RANBP2: variants seen among roughly 807,000 people sequenced by gnomAD.
RANBP2 encodes E3 SUMO-protein ligase RanBP2.
Under a neutral mutation model 303.6 loss-of-function variants are expected in RANBP2, and 57 were observed. The observed-to-expected ratio is 0.19, with a 90% confidence interval of 0.15 to 0.23. The LOEUF (loss-of-function observed/expected upper bound fraction) is 0.23. Among genes scored for constraint, RANBP2 ranks in the 10% least tolerant of loss-of-function variants. The pLI is 1.00. For synonymous variants in RANBP2, 1,167 were observed against 1,301.5 expected (o/e 0.90, Z 2.23); for missense variants, 3,138 against 3,780.8 (o/e 0.83, Z 4.46).
chr2:109,051,535 G>A, the RANBP2 span, among the ~76,000 whole-genome samples: 1 of 152,156 alleles, frequency 6.6e-6, no homozygotes, highest in Non-Finnish European at 1.5e-5. Flanking sequence ...TATTTTCAAA[G>A]TTTCTTGGGT....
chr2:108,975,278 C>T, the RANBP2 span, among the ~76,000 whole-genome samples: 3 of 152,156 alleles, frequency 2.0e-5, no homozygotes, highest in African/African-American at 7.2e-5. Flanking sequence ...AGAGTAAATC[C>T]CCTGCCGGCC....
the RANBP2 span, chr2:109,615,803 T>A: frequency 6.2e-7 from 1 of 1,613,896 alleles, no homozygotes; most frequent in Non-Finnish European, 8.5e-7. Flanking sequence ...GAGGGGACCA[T>A]CACCACCATC....
At chr2:109,509,255 G>A in the RANBP2 span, among the ~76,000 whole-genome samples, 588 of 152,342 alleles carry the variant, frequency 3.9e-3, 3 homozygotes, top group Non-Finnish European at 6.7e-3. Context: ...GGGCCCAGCC[G>A]CCTGTCAGAT....
At chr2:109,303,910 C>G in the RANBP2 span, among the ~76,000 whole-genome samples, 2 of 151,900 alleles carry the variant, frequency 1.3e-5, no homozygotes, top group African/African-American at 2.4e-5. Context: ...GGTAAGAATC[C>G]TTACTATAAG....
intron 6 of RANBP2, among the ~76,000 whole-genome samples, chr2:108,738,883 G>A (rs2149149243): frequency 6.6e-6 from 1 of 151,932 alleles, no homozygotes; most frequent in Non-Finnish European, 1.5e-5. Context: ...ACCCGCCTTG[G>A]CCTCCCAAAG....
At chr2:109,707,586 G>A in the RANBP2 span, among the ~76,000 whole-genome samples, 1 of 151,840 alleles carries the variant, frequency 6.6e-6, no homozygotes. Flanking sequence ...TCCACCACCC[G>A]CCCTGCCCTC....
the RANBP2 span, among the ~76,000 whole-genome samples, chr2:108,930,576 C>T: frequency 6.6e-6 from 1 of 152,148 alleles, no homozygotes; most frequent in South Asian, 2.1e-4. Context: ...CCCACTGAGC[C>T]TCTAATACAG....
chr2:108,780,295 C>T (rs1447483708), intron 25 of RANBP2, among the ~76,000 whole-genome samples: 8 of 147,714 alleles, frequency 5.4e-5, no homozygotes, highest in African/African-American at 2.0e-4. Flanking sequence ...CAAGTTCAAG[C>T]GATTCTCCTG....
the RANBP2 span, among the ~76,000 whole-genome samples, chr2:109,440,821 C>G: frequency 5.3e-5 from 8 of 152,136 alleles, no homozygotes; most frequent in Non-Finnish European, 1.2e-4. Context: ...CAGGTGACAA[C>G]TCATCTGCAT....
At chr2:109,717,939 A>G in the RANBP2 span, among the ~76,000 whole-genome samples, 30 of 152,156 alleles carry the variant, frequency 2.0e-4, no homozygotes, top group Non-Finnish European at 4.0e-4. Context: ...AAAACACAAA[A>G]CCATTTCCAT....
chr2:109,563,116 G>A, the RANBP2 span, among the ~76,000 whole-genome samples: 1 of 152,198 alleles, frequency 6.6e-6, no homozygotes, highest in South Asian at 2.1e-4. Context: ...TCACCATGTT[G>A]GCCAGGCTGG....
chr2:109,761,270 CCCACCCACTT>C, the RANBP2 span, among the ~76,000 whole-genome samples: 1 of 146,726 alleles, frequency 6.8e-6, no homozygotes, highest in Non-Finnish European at 1.5e-5. Flanking sequence ...TTCTGTCTCT[CCCACCCACTT>C]CCACCGAGAT....
chr2:109,099,588 A>G, the RANBP2 span, among the ~76,000 whole-genome samples: 1 of 152,068 alleles, frequency 6.6e-6, no homozygotes, highest in Non-Finnish European at 1.5e-5. Flanking sequence ...TCCCCTTGAC[A>G]AGCGGGGGTC....
At chr2:109,232,362 T>C in the RANBP2 span, among the ~76,000 whole-genome samples, 2 of 152,220 alleles carry the variant, frequency 1.3e-5, no homozygotes, top group Admixed American at 1.3e-4. Flanking sequence ...GCTAAAAGTA[T>C]AAATATGGCT....
the RANBP2 span, among the ~76,000 whole-genome samples, chr2:109,357,982 G>A: frequency 6.6e-6 from 1 of 152,134 alleles, no homozygotes; most frequent in African/African-American, 2.4e-5. Context: ...GAGATGTCAT[G>A]TATCTACCAT....
chr2:109,106,052 G>T, the RANBP2 span, among the ~76,000 whole-genome samples: 1 of 150,432 alleles, frequency 6.6e-6, no homozygotes, highest in Non-Finnish European at 1.5e-5. Flanking sequence ...TAGTAGAGAC[G>T]GGGTTTCACC....
the RANBP2 span, among the ~76,000 whole-genome samples, chr2:108,802,937 G>A: frequency 6.6e-6 from 1 of 152,140 alleles, no homozygotes; most frequent in African/African-American, 2.4e-5. Context: ...TACATTTATT[G>A]ATTTGCGTAT....
At chr2:109,198,419 G>A in the RANBP2 span, among the ~76,000 whole-genome samples, 2 of 152,234 alleles carry the variant, frequency 1.3e-5, no homozygotes, top group Non-Finnish European at 2.9e-5. Flanking sequence ...GAGGGGCACA[G>A]TGGGCTACCT....
chr2:109,585,850 T>C, the RANBP2 span: 6 of 1,603,694 alleles, frequency 3.7e-6, no homozygotes, highest in African/African-American at 5.4e-5. Flanking sequence ...TGAAGGAAAA[T>C]AAAAACAAAA....
Sources: allele counts gnomAD v4.1 joint callset (sites outside exome capture counted in the v4.1 genomes callset), GRCh38; gene constraint gnomAD v4.1.1; transcripts MANE v1.5; gene names NCBI Gene and HGNC (gene_info 2026-07-23, HGNC 2026-07-21).